Variants in FER1L6 observed in about 807,000 individuals in gnomAD.
FER1L6 encodes fer-1 like family member 6.
FER1L6 carries 177 observed loss-of-function variants against 219.2 expected under a neutral mutation model. The observed-to-expected ratio is 0.81, with a 90% CI of 0.71 to 0.91. FER1L6 has a LOEUF of 0.91. Ranked by LOEUF, FER1L6 falls within the 40% of genes least tolerant of loss-of-function variation. The probability of loss-of-function intolerance (pLI) is 0.00; values close to 1 mark genes in which losing one functional copy is unlikely to be tolerated. For synonymous variants in FER1L6, 768 were observed against 824.3 expected (o/e 0.93, Z 1.17); for missense variants, 2,153 against 2,259.9 (o/e 0.95, Z 0.96).
intron 21 of FER1L6, 116 bp from the exon 22 acceptor site, chr8:124,049,491 G>T: frequency 1.7e-6 from 2 of 1,188,242 alleles, no homozygotes; most frequent in Admixed American, 2.1e-5. Flanking sequence ...AAAAGAGTGA[G>T]ACATGGAAGC....
rs959382928 is a variant in FER1L6 at position 124,102,262 on chromosome 8, G to A, written c.5126-884G>A. 3.9e-5 allele frequency among the ~76,000 whole-genome samples: 6 copies of A among 152,158 alleles called. No homozygotes were observed. In the East Asian group the frequency reaches 7.7e-4, roughly 20 times the overall value. ...GGAGGAGTCTATTCAGATGGTTGGG[G>A]GGCTTAAAATTTTATTTTTGGCTTA... is the stretch of plus-strand genomic sequence containing the variant. On this transcript the variant is annotated intron_variant, in intron 38 of 40. Coordinates refer to ENST00000522917, the MANE Select transcript of FER1L6 (RefSeq NM_001039112.2).
At chr8:124,012,780 A>G (rs1160109773) in intron 14 of FER1L6, among the ~76,000 whole-genome samples, 2 of 152,234 alleles carry the variant, frequency 1.3e-5, no homozygotes, top group African/African-American at 4.8e-5. Context: ...ACTTTGGGAT[A>G]TGGTAGAGAA....
At position 124,119,795 on chromosome 8, in the gene FER1L6, T is replaced by A; in HGVS notation, c.*5T>A. ...AGGATCGTTGTGGGCTCATAGAGGATCATGGAGGACCCAGATCCTCGCCAT... is the reference window on the plus strand; with the variant it reads ...AGGATCGTTGTGGGCTCATAGAGGAACATGGAGGACCCAGATCCTCGCCAT... On this transcript the variant is annotated 3_prime_UTR_variant, in exon 41 of 41. Coordinates refer to ENST00000522917, the MANE Select transcript of FER1L6 (RefSeq NM_001039112.2). 1 of 1,613,342 alleles carries A rather than the reference T, an allele frequency of 6.2e-7. No individual in the cohort carries two copies. Among genetic ancestry groups the A allele is most frequent in the Non-Finnish European group, 8.5e-7 (1 of 1,179,734 alleles).
chr8:124,081,968 AC>A (rs1411275149), intron 32 of FER1L6, among the ~76,000 whole-genome samples: 1 of 152,238 alleles, frequency 6.6e-6, no homozygotes, highest in Non-Finnish European at 1.5e-5. Flanking sequence ...CAGATTCAAA[AC>A]CAAAATTAAA....
At chr8:123,923,212 G>A (rs767306244) in intron 1 of FER1L6, among the ~76,000 whole-genome samples, 5 of 152,232 alleles carry the variant, frequency 3.3e-5, no homozygotes, top group Non-Finnish European at 7.3e-5. Flanking sequence ...GCAAGATGCT[G>A]ATGGATATTC....
intron 26 of FER1L6, 72 bp downstream of exon 26, chr8:124,064,645 A>T: frequency 7.4e-7 from 1 of 1,352,440 alleles, no homozygotes; most frequent in Non-Finnish European, 1.0e-6. Context: ...GACAATATGA[A>T]GTTGCTTGCA....
At chr8:123,890,871 G>C (rs1812635241) in intron 1 of FER1L6, among the ~76,000 whole-genome samples, 1 of 151,900 alleles carries the variant, frequency 6.6e-6, no homozygotes, top group South Asian at 2.1e-4. Context: ...GAATAAAAAT[G>C]TTTAAATGGT....
chr8:123,951,472 C>T (rs1814764388), intron 1 of FER1L6, among the ~76,000 whole-genome samples: 1 of 152,202 alleles, frequency 6.6e-6, no homozygotes, highest in African/African-American at 2.4e-5. Context: ...TTCTGCAACA[C>T]AACTGCTTCT....
Position 124,101,277 on chromosome 8 carries a change from T to G in FER1L6, c.5064T>G (p.Thr1688=), listed in dbSNP as rs1453218355. ...CTTTAGAGAAGATGGAGTGTAAGAC[T>G]CCTGCTGTGTTGGTGCTGCAGGTTT... ...IFSLEKMECK[T]PAVLVLQVWD... Residue 1688 remains threonine, a synonymous_variant, in exon 38 of 41, where the codon ACT becomes ACG. Transcript: ENST00000522917. The G allele has an allele frequency of 6.2e-7, 1 of 1,613,798 alleles. No individual in the cohort carries two copies. The highest frequency in any genetic ancestry group is 1.7e-5 in the Admixed American group (1 of 60,010).
At chr8:124,082,987 A>ATG (rs1007545248) in intron 33 of FER1L6, among the ~76,000 whole-genome samples, 1 of 90,048 alleles carries the variant, frequency 1.1e-5, no homozygotes, top group African/African-American at 4.5e-5. Flanking sequence ...ATAAATGTGT[A>ATG]TGTGTGTGTG....
chr8:123,947,943 G>A (rs556369605), intron 1 of FER1L6, among the ~76,000 whole-genome samples: 6 of 152,290 alleles, frequency 3.9e-5, no homozygotes, highest in South Asian at 2.1e-4. Flanking sequence ...GCAATGGTTC[G>A]TGGACAAGAG....
chr8:124,048,905 G>A (rs528395615), intron 21 of FER1L6, among the ~76,000 whole-genome samples: 7 of 152,022 alleles, frequency 4.6e-5, no homozygotes, highest in African/African-American at 9.6e-5. Context: ...GTTTGCTGCC[G>A]CCTGATTTTT....
chr8:123,930,634 C>T (rs571233529), intron 1 of FER1L6, among the ~76,000 whole-genome samples: 4 of 152,178 alleles, frequency 2.6e-5, no homozygotes, highest in Non-Finnish European at 5.9e-5. Flanking sequence ...ATTTCTACCA[C>T]GTTTTGTATG....
chr8:123,963,547 C>T, intron 3 of FER1L6, 149 bp downstream of exon 3: 1 of 791,926 alleles, frequency 1.3e-6, no homozygotes, highest in Non-Finnish European at 2.0e-6. Context: ...ACTGTGTCAG[C>T]TCAGTTTTCT....
chr8:124,010,879 A>G (rs186614522), intron 14 of FER1L6, among the ~76,000 whole-genome samples, 165 bp downstream of exon 14: 1 of 152,288 alleles, frequency 6.6e-6, no homozygotes, highest in Admixed American at 6.5e-5. Flanking sequence ...ATCTAGGGGA[A>G]TGAGACCTCA....
intron 12 of FER1L6, among the ~76,000 whole-genome samples, chr8:123,987,915 T>C (rs1253618465): frequency 6.6e-6 from 1 of 152,090 alleles, no homozygotes; most frequent in Non-Finnish European, 1.5e-5. Flanking sequence ...TTCGAGACCA[T>C]GGTGAAATCC....
intron 12 of FER1L6, among the ~76,000 whole-genome samples, chr8:123,990,104 T>TCCA (rs1816779157): frequency 1.3e-5 from 2 of 152,018 alleles, no homozygotes; most frequent in African/African-American, 4.8e-5. Context: ...CCGTCTCTAC[T>TCCA]AAAAATACAA....
In FER1L6 at chr8:124,099,048, G is replaced by GT. The variant is rs553637398; in HGVS notation, c.4883+1171dup. Among the ~76,000 whole-genome samples the GT allele has an allele frequency of 1.7e-3, 252 of 152,230 alleles. 1 individual carries two copies. Among genetic ancestry groups the GT allele is most frequent in the Middle Eastern group, 6.8e-3 (2 of 294 alleles). On this transcript the variant is annotated intron_variant, in intron 37 of 40. Transcript: ENST00000522917. ...AACTTCTGTAGCAACACATGTATCT[G>GT]TTTTTTCTCTTATCCTCTTGATCAC... is the stretch of plus-strand genomic sequence containing the variant.
At chr8:123,953,924 C>T (rs112562304) in intron 1 of FER1L6, among the ~76,000 whole-genome samples, 9 of 152,254 alleles carry the variant, frequency 5.9e-5, no homozygotes, top group African/African-American at 2.2e-4. Flanking sequence ...GGAAGTCCTC[C>T]TTGTGTATGT....
Sources: allele counts gnomAD v4.1 joint callset (sites outside exome capture counted in the v4.1 genomes callset), GRCh38; gene constraint gnomAD v4.1.1; transcripts MANE v1.5; gene names NCBI Gene and HGNC (gene_info 2026-07-23, HGNC 2026-07-21).